NSL1: variants seen among roughly 807,000 people sequenced by gnomAD.
NSL1 encodes the protein kinetochore-associated protein NSL1 homolog.
A neutral mutation model predicts 25.4 loss-of-function variants in NSL1; 11 were observed. That is an observed-to-expected ratio of 0.43 (90% CI 0.27 to 0.72). NSL1 has a LOEUF of 0.72. NSL1 is among the 30% of genes least tolerant of loss of function. The probability of loss-of-function intolerance (pLI) is 0.19; values close to 1 mark genes in which losing one functional copy is unlikely to be tolerated. For missense variants in NSL1, 330 were observed against 342.7 expected (o/e 0.96, Z 0.29); for synonymous variants, 118 against 120.6 (o/e 0.98, Z 0.14).
At chr1:212,763,114 C>T (rs886146952) in intron 4 of NSL1, among the ~76,000 whole-genome samples, 4 of 152,166 alleles carry the variant, frequency 2.6e-5, no homozygotes, top group African/African-American at 9.7e-5. Flanking sequence ...GTAAGCGAAG[C>T]ACTGTGGGAG....
chr1:212,768,319 C>CAAAAAAA (rs34528216), intron 4 of NSL1, among the ~76,000 whole-genome samples: 51 of 68,870 alleles, frequency 7.4e-4, no homozygotes, highest in African/African-American at 1.0e-3. Flanking sequence ...GACTCCGTCT[C>CAAAAAAA]AAAAAAAAAA....
At chr1:212,789,612 T>C (rs1490648688) in intron 1 of NSL1, among the ~76,000 whole-genome samples, 2 of 152,360 alleles carry the variant, frequency 1.3e-5, no homozygotes, top group East Asian at 1.9e-4. Context: ...CAATACTGTT[T>C]TTAAAGAAAA....
At position 212,737,811 on chromosome 1, in the gene NSL1, T is replaced by C. The variant is rs1014078411; in HGVS notation, c.*597A>G. On this transcript the variant is annotated 3_prime_UTR_variant, in exon 6 of 6. Coordinates refer to ENST00000366977, the MANE Select transcript of NSL1 (RefSeq NM_015471.4). ...AGTAATGTTGCACAAATAATAGTTA[T>C]CATTGTCTTACACAACAAAAAATCC... The C allele has an allele frequency of 1.0e-6, 1 of 985,312 alleles. No homozygotes were observed. The highest frequency in any genetic ancestry group is 1.7e-5 in the African/African-American group (1 of 57,238). The allele number at this position is 985,312 out of a possible 1,614,324, so 61.0% of individuals were successfully genotyped here.
chr1:212,774,325 G>T (rs1660260032), intron 4 of NSL1, among the ~76,000 whole-genome samples: 1 of 152,024 alleles, frequency 6.6e-6, no homozygotes, highest in African/African-American at 2.4e-5. Flanking sequence ...ATTACACATT[G>T]TATATATGTA....
rs1012793416 is a variant in NSL1 at position 212,760,204 on chromosome 1, C to T, written c.500-20603G>A. On this transcript the variant is annotated intron_variant, in intron 4 of 5. Transcript: ENST00000366977. The surrounding 1 kb of genome is among the most constrained non-coding windows in gnomAD (Gnocchi z 4.3). ...AGGTCCAGCCTGTGGGCCACTGGTA[C>T]CTGAGCACACTAACCAAGGGCAAAG... 2.6e-5 allele frequency among the ~76,000 whole-genome samples: 4 copies of T among 152,104 alleles called. No individual in the cohort carries two copies. Among genetic ancestry groups the T allele is most frequent in the Non-Finnish European group, 5.9e-5 (4 of 68,018 alleles).
At chr1:212,752,694 T>C (rs1659122019) in intron 4 of NSL1, among the ~76,000 whole-genome samples, 1 of 152,158 alleles carries the variant, frequency 6.6e-6, no homozygotes, top group Admixed American at 6.5e-5. Context: ...TAAAAAGAGT[T>C]TGCTCTTAAA....
intron 4 of NSL1, among the ~76,000 whole-genome samples, chr1:212,766,483 T>G (rs753660877): frequency 4.7e-5 from 7 of 150,110 alleles, no homozygotes; most frequent in Non-Finnish European, 8.9e-5. Context: ...CTCTACTAAA[T>G]ATACAAAAAA....
intron 4 of NSL1, among the ~76,000 whole-genome samples, chr1:212,778,327 G>C (rs1660475045): frequency 6.6e-6 from 1 of 152,124 alleles, no homozygotes; most frequent in South Asian, 2.1e-4. Flanking sequence ...TAACTAAGTT[G>C]AATCAATGTT....
At chr1:212,770,711 C>T (rs940153255) in intron 4 of NSL1, among the ~76,000 whole-genome samples, 2 of 152,134 alleles carry the variant, frequency 1.3e-5, no homozygotes, top group Non-Finnish European at 2.9e-5. Flanking sequence ...CAGTATTACC[C>T]TAATACTAAA....
In NSL1 at chr1:212,771,493, C is replaced by T. The variant is rs531031175; in HGVS notation, c.499+10879G>A. 3.3e-5 allele frequency among the ~76,000 whole-genome samples: 5 copies of T among 151,744 alleles called. No individual in the cohort carries two copies. In the South Asian group the frequency reaches 6.2e-4, roughly 19 times the overall value. On this transcript the variant is annotated intron_variant, in intron 4 of 5. Coordinates refer to ENST00000366977, the MANE Select transcript of NSL1 (RefSeq NM_015471.4). ...CCTATTCAACATAGCACTGGAAGTC[C>T]TAGCCAGAGCAATCAGGCAAGAGAA... is the stretch of plus-strand genomic sequence containing the variant.
At chr1:212,751,470 C>T (rs750016612) in intron 4 of NSL1, among the ~76,000 whole-genome samples, 13 of 152,172 alleles carry the variant, frequency 8.5e-5, no homozygotes, top group Non-Finnish European at 1.6e-4. Context: ...CAAAATACTG[C>T]TTTGTCAGGA....
In NSL1 at chr1:212,728,020, G is replaced by C. The variant is rs1226860760; in HGVS notation, c.*10388C>G. On this transcript the variant is annotated 3_prime_UTR_variant, in exon 6 of 6. Transcript: ENST00000366977. ...TGGAAGCAGAGTTTGTGGTCAGAAG[G>C]CCTCGCTCTGCTCTACATGGTCTAT... 1.0e-6 allele frequency: 1 copy of C among 985,432 alleles called. No homozygotes were observed. Among genetic ancestry groups the C allele is most frequent in the South Asian group, 4.7e-5 (1 of 21,276 alleles). The allele number at this position is 985,432 out of a possible 1,614,324, so 61.0% of individuals were successfully genotyped here. A position where few individuals can be genotyped will look rare whatever the true frequency, so the allele number is the denominator to read the frequency against.
Position 212,731,255 on chromosome 1 carries a change from T to A in NSL1, c.*7153A>T. 1 of 984,816 alleles carries A rather than the reference T, an allele frequency of 1.0e-6. No individual in the cohort carries two copies. The highest frequency in any genetic ancestry group is 4.7e-5 in the South Asian group (1 of 21,252). The allele number at this position is 984,816 out of a possible 1,614,324, so 61.0% of individuals were successfully genotyped here. On this transcript the variant is annotated 3_prime_UTR_variant, in exon 6 of 6. Coordinates refer to ENST00000366977, the MANE Select transcript of NSL1 (RefSeq NM_015471.4). ...CAAAAACAGAGAATAGTAAGTCTTA[T>A]CTGAAATATACTGTGATAGGCCAGG...
In NSL1 at chr1:212,729,945, A is replaced by ATT. The variant is rs113434922; in HGVS notation, c.*8461_*8462dup. ...GTGGAGGAACTAAACCTCCGGAAGGATTTTTTTTTTTAAGAATGAAATGGG... is the reference window on the plus strand; with the variant it reads ...GTGGAGGAACTAAACCTCCGGAAGGATTTTTTTTTTTTTAAGAATGAAATGGG... On this transcript the variant is annotated 3_prime_UTR_variant, in exon 6 of 6. Transcript: ENST00000366977. 213 of 834,188 alleles carry ATT rather than the reference A, an allele frequency of 2.6e-4. No homozygotes were observed. Among genetic ancestry groups the ATT allele is most frequent in the Middle Eastern group, 1.8e-3 (3 of 1,628 alleles). The allele number at this position is 834,188 out of a possible 1,614,324, so 51.7% of individuals were successfully genotyped here.
Position 212,727,210 on chromosome 1 carries a change from TAGA to T in NSL1, c.*11195_*11197del, listed in dbSNP as rs2102415476. 6.6e-7 allele frequency: 1 copy of T among 1,509,338 alleles called. No homozygotes were observed. The highest frequency in any genetic ancestry group is 1.4e-5 in the African/African-American group (1 of 70,542). The allele number at this position is 1,509,338 out of a possible 1,614,324, so 93.5% of individuals were successfully genotyped here. A position where few individuals can be genotyped will look rare whatever the true frequency, so the allele number is the denominator to read the frequency against. On this transcript the variant is annotated 3_prime_UTR_variant, in exon 6 of 6. Coordinates refer to ENST00000366977, the MANE Select transcript of NSL1 (RefSeq NM_015471.4). The stretch of plus-strand genomic sequence containing the variant: ...GTGTTAAATGGGGGTGAATGGAATT[TAGA>T]AGATCTCTTTTTCTGAAAACTATAT...
chr1:212,766,330 C>T (rs1659816545), intron 4 of NSL1: 1 of 482,592 alleles, frequency 2.1e-6, no homozygotes, highest in Admixed American at 3.8e-5. Flanking sequence ...AGTACTCAGC[C>T]AGAGCAATCA....
In NSL1 at chr1:212,731,525, C is replaced by T. The variant is rs1171277683; in HGVS notation, c.*6883G>A. On this transcript the variant is annotated 3_prime_UTR_variant, in exon 6 of 6. Transcript: ENST00000366977. ...TTGTCTCTTAAACCAAATTTATTTT[C>T]CCTTAATTACTATATGCATTTAATT... The T allele has an allele frequency of 3.0e-6, 3 of 985,152 alleles. No homozygotes were observed. Among genetic ancestry groups the T allele is most frequent in the African/African-American group, 1.7e-5 (1 of 57,214 alleles). The allele number at this position is 985,152 out of a possible 1,614,324, so 61.0% of individuals were successfully genotyped here.
intron 4 of NSL1, among the ~76,000 whole-genome samples, chr1:212,766,934 TCA>T (rs2102376758): frequency 6.6e-6 from 1 of 152,206 alleles, no homozygotes; most frequent in Non-Finnish European, 1.5e-5. Context: ...CTGAAAGAAA[TCA>T]CAGATGACAC....
chr1:212,771,611 CAAAAAAAAAA>C (rs57899487), intron 4 of NSL1, among the ~76,000 whole-genome samples: 2 of 63,906 alleles, frequency 3.1e-5, no homozygotes, highest in Non-Finnish European at 6.7e-5. Flanking sequence ...AAGACTCCAC[CAAAAAAAAAA>C]AAAAAAAAAA....
Sources: gnomAD v4.1 joint callset for allele counts (sites outside exome capture counted in the v4.1 genomes callset) on GRCh38, gnomAD v4.1.1 for gene constraint, Gnocchi (gnomAD v3.1) non-coding constraint, MANE v1.5 for transcripts, NCBI Gene and HGNC (gene_info 2026-07-23, HGNC 2026-07-21) for gene names.